The following KPNA2 variants were observed in gnomAD, a reference collection of about 807,000 sequenced individuals.
KPNA2 encodes importin subunit alpha-1.
In KPNA2, 20 loss-of-function variants were observed where a neutral mutation model predicts 53.7. The ratio of observed to expected loss-of-function variants is 0.37; its 90% CI spans 0.26 to 0.54. The LOEUF is 0.54. Among genes scored for constraint, KPNA2 ranks in the 20% least tolerant of loss-of-function variants. The probability of loss-of-function intolerance (pLI) is 0.83; values close to 1 mark genes in which losing one functional copy is unlikely to be tolerated. For synonymous variants in KPNA2, 238 were observed against 227.5 expected, an observed-to-expected ratio of 1.05 and a Z score of -0.42; for missense variants, 515 against 640.3, an observed-to-expected ratio of 0.80 and a Z score of 2.11.
At chr17:68,041,792 T>G (rs1555704598) in intron 4 of KPNA2, among the ~76,000 whole-genome samples, 2 of 152,146 alleles carry the variant, frequency 1.3e-5, no homozygotes, top group Non-Finnish European at 2.9e-5. Context: ...TGTCAGAATG[T>G]GAAAAGTTTT....
At position 68,044,397 on chromosome 17, in the gene KPNA2, T is replaced by C. The variant is rs1555705144; in HGVS notation, c.1241T>C (p.Val414Ala). Residue 414 changes from valine to alanine, a missense_variant, in exon 9 of 11, where the codon GTG (valine) becomes GCG (alanine). Coordinates refer to ENST00000330459, the MANE Select transcript of KPNA2 (RefSeq NM_002266.4). ...YTSGGTVEQI[V>A]YLVHCGIIEP... ...AGTGGTGGAACAGTTGAACAGATTG[T>C]GTACCTTGTTCACTGTGGCATAATA... 1.2e-6 allele frequency: 2 copies of C among 1,613,548 alleles called. No individual in the cohort carries two copies. The highest frequency in any genetic ancestry group is 2.7e-5 in the African/African-American group (2 of 74,932).
Position 68,042,336 on chromosome 17 carries a change from C to A in KPNA2, c.554C>A (p.Ala185Asp). 6.2e-7 allele frequency: 1 copy of A among 1,614,008 alleles called. No homozygotes were observed. The highest frequency in any genetic ancestry group is 8.5e-7 in the Non-Finnish European group (1 of 1,179,894). The change falls in exon 5 of 11, where the codon GCT (alanine) becomes GAT (aspartate). Residue 185 changes from alanine (A) to aspartate (D), a missense_variant. Transcript: ENST00000330459. ...HAHISEQAVW[A>D]LGNIAGDGSV... is the part of the protein sequence containing the mutation. ...CACATCAGTGAACAAGCTGTCTGGG[C>A]TCTAGGAAACATTGCAGGTACTTGG...
Position 68,042,985 on chromosome 17 carries a change from A to G in KPNA2, c.652A>G (p.Met218Val), listed in dbSNP as rs138446781. 24 of 1,613,192 alleles carry G rather than the reference A, an allele frequency of 1.5e-5. No homozygotes were observed. The African/African-American group carries it at 2.9e-4, about 20-fold the overall frequency. The change falls in exon 6 of 11, where the codon ATG becomes GTG. Residue 218 changes from methionine to valine, a missense_variant. Met to Val is a conservative substitution (Grantham distance 21). Transcript: ENST00000330459. ...GTTGGCTCTCCTTGCAGTTCCTGAT[A>G]TGTCATCTTTAGCAGTAAGTTACTA... The part of the protein sequence containing the change: ...PLLALLAVPD[M>V]SSLACGYLRN...
In KPNA2 at chr17:68,037,145, G is replaced by A; in HGVS notation, c.13G>A (p.Glu5Lys). 1 of 1,612,976 alleles carries A rather than the reference G, an allele frequency of 6.2e-7. No individual in the cohort carries two copies. The highest frequency in any genetic ancestry group is 8.5e-7 in the Non-Finnish European group (1 of 1,179,460). ...TTGTCTCATAACCATGTCCACCAAC[G>A]AGAATGCTAATACACCAGCTGCCCG... Reference protein sequence around the residue: MSTNENANTPAARLH... With the variant: MSTNKNANTPAARLH... Residue 5 changes from glutamate (E) to lysine (K), a missense_variant, in exon 2 of 11, where the codon GAG becomes AAG. By Grantham distance (56) the Glu-to-Lys change is moderately conservative. Transcript: ENST00000330459.
At chr17:68,040,865 G>C in intron 4 of KPNA2, 99 bp downstream of exon 4, 1 of 736,656 alleles carries the variant, frequency 1.4e-6, no homozygotes, top group Admixed American at 2.2e-5. Context: ...GATAGTACAA[G>C]GAAAGATTAG....
chr17:68,045,797 A>T lies in KPNA2; in HGVS notation c.1373A>T (p.Glu458Val). Residue 458 changes from glutamate to valine, a missense_variant, in exon 10 of 11, where the codon GAG (glutamate) becomes GTG (valine). Coordinates refer to ENST00000330459, the MANE Select transcript of KPNA2 (RefSeq NM_002266.4). ...GCTGCTGAGAAACTAGGTGAAACTG[A>T]GAAACTTAGTATAATGATTGAAGAA... ...FQAAEKLGET[E>V]KLSIMIEECG... is the part of the protein sequence containing the mutation. 1.9e-6 allele frequency: 3 copies of T among 1,586,836 alleles called. No individual in the cohort carries two copies. Among genetic ancestry groups the T allele is most frequent in the Non-Finnish European group, 2.6e-6 (3 of 1,170,696 alleles).
rs374103052 is a variant in KPNA2 at position 68,043,821 on chromosome 17, TA to T, written c.931-16del. On this transcript the variant is annotated splice_polypyrimidine_tract_variant and intron_variant, in intron 7 of 10. Coordinates refer to ENST00000330459, the MANE Select transcript of KPNA2 (RefSeq NM_002266.4). ...GGGGAAAAAATAACCAGCATCAACA[TA>T]TTTTTTTTTTTTCAGACTCCTGCCC... 29 of 1,423,102 alleles carry T rather than the reference TA, an allele frequency of 2.0e-5. No homozygotes were observed. The African/African-American group carries it at 2.3e-4, about 11-fold the overall frequency. The allele number at this position is 1,423,102 out of a possible 1,614,324, so 88.2% of individuals were successfully genotyped here.
intron 3 of KPNA2, among the ~76,000 whole-genome samples, chr17:68,039,626 C>CAAAAAA (rs1457613748): frequency 6.7e-6 from 1 of 149,754 alleles, no homozygotes. Context: ...ACTAAAAATA[C>CAAAAAA]AAAATTAGCT....
chr17:68,043,822 A>G lies in KPNA2; in HGVS notation c.931-16A>G, dbSNP rs1265674589. 4 of 1,185,372 alleles carry G rather than the reference A, an allele frequency of 3.4e-6. No individual in the cohort carries two copies. The highest frequency in any genetic ancestry group is 1.4e-5 in the South Asian group (1 of 71,734). The allele number at this position is 1,185,372 out of a possible 1,614,324, so 73.4% of individuals were successfully genotyped here. On this transcript the variant is annotated splice_polypyrimidine_tract_variant and intron_variant, in intron 7 of 10. Coordinates refer to ENST00000330459, the MANE Select transcript of KPNA2 (RefSeq NM_002266.4). ...GGGAAAAAATAACCAGCATCAACAT[A>G]TTTTTTTTTTTTCAGACTCCTGCCC...
rs782317759 is a variant in KPNA2, at chr17:68,042,313, C to T, written c.531C>T (p.His177=). The T allele has an allele frequency of 6.2e-7, 1 of 1,614,210 alleles. No individual in the cohort carries two copies. The highest frequency in any genetic ancestry group is 8.5e-7 in the Non-Finnish European group (1 of 1,180,020). The change falls in exon 5 of 11, where the codon CAC becomes CAT. Residue 177 remains histidine (H), a synonymous_variant. Transcript: ENST00000330459. ...CTCTGTTGGCATCTCCCCATGCTCA[C>T]ATCAGTGAACAAGCTGTCTGGGCTC... is the stretch of plus-strand genomic sequence containing the variant. ...FISLLASPHA[H]ISEQAVWALG... is the part of the protein sequence containing the mutation.
intron 4 of KPNA2, among the ~76,000 whole-genome samples, chr17:68,041,378 A>G (rs1190188852): frequency 5.3e-5 from 8 of 152,012 alleles, no homozygotes; most frequent in African/African-American, 1.7e-4. Flanking sequence ...CCTGGGCAAC[A>G]TGGTGAGAGC....
chr17:68,046,808 C>G lies in KPNA2; in HGVS notation c.*212C>G, dbSNP rs14515. ...TTTCTATGTGGAATTTCCTATCTTG[C>G]AGCATCCTGTAAATAAACATTCAAG... On this transcript the variant is annotated 3_prime_UTR_variant, in exon 11 of 11. Coordinates refer to ENST00000330459, the MANE Select transcript of KPNA2 (RefSeq NM_002266.4). 2 of 397,256 alleles carry G rather than the reference C, an allele frequency of 5.0e-6. No individual in the cohort carries two copies. Among genetic ancestry groups the G allele is most frequent in the Non-Finnish European group, 9.1e-6 (2 of 219,170 alleles). 24.6% of individuals were successfully genotyped at this position (397,256 alleles called of 1,614,324 possible). A position where few individuals can be genotyped will look rare whatever the true frequency, so the allele number is the denominator to read the frequency against.
chr17:68,036,946 C>T (rs537883701), intron 1 of KPNA2, 164 bp from the exon 2 acceptor site: 75 of 565,578 alleles, frequency 1.3e-4, no homozygotes, highest in Middle Eastern at 4.7e-4. Context: ...GGGGACACTT[C>T]CCCTTTGGGT....
At position 68,043,940 on chromosome 17, in the gene KPNA2, A is replaced by T. The variant is rs782470752; in HGVS notation, c.1033A>T (p.Thr345Ser). 2.5e-6 allele frequency: 4 copies of T among 1,613,834 alleles called. No homozygotes were observed. The highest frequency in any genetic ancestry group is 3.4e-6 in the Non-Finnish European group (4 of 1,179,838). Residue 345 changes from threonine (T) to serine (S), a missense_variant, in exon 8 of 11, where the codon ACC becomes TCC. By Grantham distance (58) the Thr-to-Ser change is moderately conservative. Coordinates refer to ENST00000330459, the MANE Select transcript of KPNA2 (RefSeq NM_002266.4). ...GALAVFPSLL[T>S]NPKTNIQKEA... ...ACTCGCCGTCTTTCCCAGCCTGCTC[A>T]CCAACCCCAAAACTAACATTCAGAA... is the stretch of plus-strand genomic sequence containing the variant.
chr17:68,044,034 A>G lies in KPNA2; in HGVS notation c.1127A>G (p.His376Arg), dbSNP rs782692080. 23 of 1,613,946 alleles carry G rather than the reference A, an allele frequency of 1.4e-5. No homozygotes were observed. The highest frequency in any genetic ancestry group is 1.9e-5 in the Non-Finnish European group (22 of 1,179,812). The change falls in exon 8 of 11, where the codon CAT becomes CGT. Residue 376 changes from histidine to arginine, a missense_variant. Physicochemically the swap from His to Arg is conservative, Grantham distance 29. Transcript: ENST00000330459. The part of the protein sequence containing the change: ...RQDQIQQVVN[H>R]GLVPFLVSVL... Reference sequence around the variant, plus strand: ...GACCAGATACAGCAAGTTGTGAATCATGGATTAGTCCCATTCCTTGTCAGT... The same window carrying G: ...GACCAGATACAGCAAGTTGTGAATCGTGGATTAGTCCCATTCCTTGTCAGT...
In KPNA2 at chr17:68,044,457, C is replaced by T; in HGVS notation, c.1301C>T (p.Thr434Ile). 6.2e-7 allele frequency: 1 copy of T among 1,614,030 alleles called. No homozygotes were observed. Among genetic ancestry groups the T allele is most frequent in the Non-Finnish European group, 8.5e-7 (1 of 1,179,944 alleles). ...ATGAACCTCTTAACTGCAAAAGATA[C>T]CAAGATTATTCTGGTTATCCTGGAT... ...PLMNLLTAKD[T>I]KIILVILDAI... Residue 434 changes from threonine (T) to isoleucine (I), a missense_variant, in exon 9 of 11, where the codon ACC (threonine) becomes ATC (isoleucine). By Grantham distance (89) the Thr-to-Ile change is moderately conservative (BLOSUM62 -1). Transcript: ENST00000330459.
chr17:68,043,924 C>G lies in KPNA2; in HGVS notation c.1017C>G (p.Val339=). 6.2e-7 allele frequency: 1 copy of G among 1,613,678 alleles called. No individual in the cohort carries two copies. Among genetic ancestry groups the G allele is most frequent in the Non-Finnish European group, 8.5e-7 (1 of 1,179,778 alleles). The part of the protein sequence containing the change: ...QVVIDAGALA[V]FPSLLTNPKT... ...TGATTGATGCAGGAGCACTCGCCGTCTTTCCCAGCCTGCTCACCAACCCCA... is the reference window on the plus strand; with the variant it reads ...TGATTGATGCAGGAGCACTCGCCGTGTTTCCCAGCCTGCTCACCAACCCCA... The change falls in exon 8 of 11, where the codon GTC becomes GTG. Residue 339 remains valine (V), a synonymous_variant. Coordinates refer to ENST00000330459, the MANE Select transcript of KPNA2 (RefSeq NM_002266.4).
chr17:68,041,432 G>A (rs1314219510), intron 4 of KPNA2, among the ~76,000 whole-genome samples: 1 of 152,156 alleles, frequency 6.6e-6, no homozygotes, highest in African/African-American at 2.4e-5. Flanking sequence ...GGTGGCACAT[G>A]CCTGTAATCT....
At chr17:68,045,648 T>A (rs568565734) in intron 9 of KPNA2, 124 bp from the exon 10 acceptor site, 55 of 699,924 alleles carry the variant, frequency 7.9e-5, no homozygotes, top group Admixed American at 1.3e-4. Context: ...TATGATAGGC[T>A]TGATGAAGGA....
Sources: gnomAD v4.1 joint callset for allele counts (sites outside exome capture counted in the v4.1 genomes callset) on GRCh38, gnomAD v4.1.1 for gene constraint, MANE v1.5 for transcripts, NCBI Gene and HGNC (gene_info 2026-07-23, HGNC 2026-07-21) for gene names.